Variants in FLG observed in about 807,000 individuals in gnomAD.
The protein encoded by FLG is filaggrin, also known as epidermal filaggrin.
A neutral mutation model predicts 3.8 loss-of-function variants in FLG; 6 were observed. The observed-to-expected ratio is 1.60, with a 90% confidence interval of 0.87 to 3.15. FLG has a LOEUF of 3.15. Among genes scored for constraint, FLG ranks in the 30% most tolerant of loss-of-function variants. The pLI is 0.00. For synonymous variants in FLG, 2,551 were observed against 1,931.6 expected (o/e 1.32, Z -8.41); for missense variants, 7,595 against 5,050.9 (o/e 1.50, Z -15.27).
At chr1:152,317,504 C>G (rs1652823815) in intron 1 of FLG, among the ~76,000 whole-genome samples, 2 of 152,090 alleles carry the variant, frequency 1.3e-5, no homozygotes, top group African/African-American at 4.8e-5. Flanking sequence ...TTTGATGCAA[C>G]TGGCTTCATC....
intron 1 of FLG, among the ~76,000 whole-genome samples, chr1:152,322,386 G>A (rs1653009989): frequency 6.6e-6 from 1 of 150,904 alleles, no homozygotes; most frequent in South Asian, 2.1e-4. Flanking sequence ...AGAATGTATA[G>A]CTAAACTATT....
rs746659024 is a variant in FLG at position 152,309,632 on chromosome 1, G to T, written c.5254C>A (p.Arg1752Ser). The change falls in exon 3 of 3, where the codon CGT becomes AGT. Residue 1752 changes from arginine (R) to serine (S), a missense_variant. Arg to Ser is a moderately radical substitution (Grantham distance 110, BLOSUM62 -1). Transcript: ENST00000368799. ...CCAGACCTTTCCCCTGACTGGCCAC[G>T]TGTGGACTCTTGGTGGCTCTGCTGA... is the stretch of plus-strand genomic sequence containing the variant. ...PHQQSHQEST[R>S]GQSGERSGRS... The T allele has an allele frequency of 2.0e-5, 33 of 1,613,992 alleles. No individual in the cohort carries two copies. The highest frequency in any genetic ancestry group is 3.3e-5 in the South Asian group (3 of 91,060).
intron 1 of FLG, among the ~76,000 whole-genome samples, chr1:152,324,871 G>A (rs1195673683): frequency 6.6e-6 from 1 of 151,638 alleles, no homozygotes; most frequent in African/African-American, 2.4e-5. Context: ...CCCTATTAAA[G>A]GTAAGCTGCT....
Position 152,311,258 on chromosome 1 carries a change from G to C in FLG, c.3628C>G (p.Gln1210Glu). 1 of 1,613,852 alleles carries C rather than the reference G, an allele frequency of 6.2e-7. No homozygotes were observed. The highest frequency in any genetic ancestry group is 1.7e-5 in the Admixed American group (1 of 59,996). ...SQGRSDASHGQSGSRSASRQT... is the reference protein window; with the variant it reads ...SQGRSDASHGESGSRSASRQT... ...CTGCTTGCACTTCTGGATCCTGACTGCCCATGGGAGGCATCAGACCTTCCC... is the reference window on the plus strand; with the variant it reads ...CTGCTTGCACTTCTGGATCCTGACTCCCCATGGGAGGCATCAGACCTTCCC... The change falls in exon 3 of 3, where the codon CAG becomes GAG. Residue 1210 changes from glutamine (Q) to glutamate (E), a missense_variant. Transcript: ENST00000368799.
chr1:152,311,595 C>T lies in FLG; in HGVS notation c.3291G>A (p.Gln1097=). The T allele has an allele frequency of 1.2e-6, 2 of 1,614,112 alleles. No individual in the cohort carries two copies. Among genetic ancestry groups the T allele is most frequent in the Non-Finnish European group, 1.7e-6 (2 of 1,180,034 alleles). Residue 1097 remains glutamine, a synonymous_variant, in exon 3 of 3, where the codon CAG becomes CAA. Transcript: ENST00000368799. The stretch of plus-strand genomic sequence containing the variant: ...AGTCACGTGCGGACTCTTGGTGGCT[C>T]TGCTGATGGGGCCCATCCTGTCCAT... ...SGHGQDGPHQ[Q]SHQESARDWS... is the part of the protein sequence containing the mutation.
Position 152,303,234 on chromosome 1 carries a change from G to A in FLG, c.11652C>T (p.Ser3884=). The A allele has an allele frequency of 6.2e-7, 1 of 1,614,054 alleles. No homozygotes were observed. Among genetic ancestry groups the A allele is most frequent in the Non-Finnish European group, 8.5e-7 (1 of 1,180,028 alleles). Residue 3884 remains serine (S), a synonymous_variant, in exon 3 of 3, where the codon TCC becomes TCT. Coordinates refer to ENST00000368799, the MANE Select transcript of FLG (RefSeq NM_002016.2). ...CCCGAGAAGATCCATGATGGTTTCTGGAAGCAGACTCAGATCGCCTCTCAG... is the reference window on the plus strand; with the variant it reads ...CCCGAGAAGATCCATGATGGTTTCTAGAAGCAGACTCAGATCGCCTCTCAG... The part of the protein sequence containing the change: ...EDSERRSESA[S]RNHHGSSREQ...
In FLG at chr1:152,308,468, C is replaced by A; in HGVS notation, c.6418G>T (p.Gly2140Ter). The change falls in exon 3 of 3, where the codon GGA (glycine) becomes TGA (stop). Residue 2140 changes from glycine (G) to a stop codon, truncating the protein, a stop_gained. Coordinates refer to ENST00000368799, the MANE Select transcript of FLG (RefSeq NM_002016.2). LOFTEE classifies it low-confidence loss of function (END_TRUNC). ...CCTCCTCTGCTTGGCCCCGGGTGTC[C>A]ACGAATGGTGTCCTGACCCTCTTGG... Reference protein sequence around the residue: ...ASQEGQDTIRGHPGPSRGGRQ... With the variant: ...ASQEGQDTIR 1 of 1,613,824 alleles carries A rather than the reference C, an allele frequency of 6.2e-7. No homozygotes were observed. The highest frequency in any genetic ancestry group is 8.5e-7 in the Non-Finnish European group (1 of 1,179,912).
rs762020650 is a variant in FLG at position 152,311,042 on chromosome 1, C to T, written c.3844G>A (p.Asp1282Asn). The change falls in exon 3 of 3, where the codon GAC becomes AAC. Residue 1282 changes from aspartate (D) to asparagine (N), a missense_variant. Coordinates refer to ENST00000368799, the MANE Select transcript of FLG (RefSeq NM_002016.2). ...QDSDSERHSD[D>N]SERLSGSASR... is the part of the protein sequence containing the mutation. ...GCAGACCCAGACAACCTCTCGGAGT[C>T]GTCTGAGTGTCTCTCACTGTCACTG... 29 of 1,613,728 alleles carry T rather than the reference C, an allele frequency of 1.8e-5. No individual in the cohort carries two copies. The Admixed American group carries it at 3.3e-4, about 19-fold the overall frequency.
chr1:152,307,548 T>C lies in FLG; in HGVS notation c.7338A>G (p.Ala2446=), dbSNP rs776786542. 4.0e-5 allele frequency: 65 copies of C among 1,613,722 alleles called. No homozygotes were observed. Among genetic ancestry groups the C allele is most frequent in the Non-Finnish European group, 5.4e-5 (64 of 1,179,968 alleles). ...ACGTTGAGTGCCTGGAGCTGTCTCGTGCCTGCTTGTGGTGGGATCCTTGTC... is the reference window on the plus strand; with the variant it reads ...ACGTTGAGTGCCTGGAGCTGTCTCGCGCCTGCTTGTGGTGGGATCCTTGTC... The part of the protein sequence containing the change: ...GGRQGSHHKQ[A]RDSSRHSTSQ... Residue 2446 remains alanine, a synonymous_variant, in exon 3 of 3, where the codon GCA becomes GCG. Transcript: ENST00000368799.
Position 152,304,919 on chromosome 1 carries a change from C to A in FLG, c.9967G>T (p.Ala3323Ser), listed in dbSNP as rs780529906. 6.2e-7 allele frequency: 1 copy of A among 1,613,686 alleles called. No individual in the cohort carries two copies. Among genetic ancestry groups the A allele is most frequent in the Non-Finnish European group, 8.5e-7 (1 of 1,179,978 alleles). ...SRHSGIPRGQASSAVRDSRHW... is the reference protein window; with the variant it reads ...SRHSGIPRGQSSSAVRDSRHW... ...CTACTGTCTCTGACTGCAGATGAAG[C>A]TTGTCCACGCGGAATGCCTGAGTGT... Residue 3323 changes from alanine to serine, a missense_variant, in exon 3 of 3, where the codon GCT becomes TCT. By Grantham distance (99) the Ala-to-Ser change is moderately conservative. Coordinates refer to ENST00000368799, the MANE Select transcript of FLG (RefSeq NM_002016.2).
chr1:152,317,701 C>G (rs1283970487), intron 1 of FLG, among the ~76,000 whole-genome samples: 1 of 152,040 alleles, frequency 6.6e-6, no homozygotes, highest in Non-Finnish European at 1.5e-5. Flanking sequence ...GTTGGCAACT[C>G]ACAAGTTTAT....
rs558734113 is a variant in FLG at position 152,304,917 on chromosome 1, A to G, written c.9969T>C (p.Ala3323=). Residue 3323 remains alanine, a synonymous_variant, in exon 3 of 3, where the codon GCT becomes GCC. Coordinates refer to ENST00000368799, the MANE Select transcript of FLG (RefSeq NM_002016.2). ...GTCTACTGTCTCTGACTGCAGATGA[A>G]GCTTGTCCACGCGGAATGCCTGAGT... The part of the protein sequence containing the change: ...SRHSGIPRGQ[A]SSAVRDSRHW... 1.4e-5 allele frequency: 22 copies of G among 1,613,254 alleles called. No homozygotes were observed. In the East Asian group the frequency reaches 4.9e-4, roughly 36 times the overall value.
chr1:152,313,816 C>A lies in FLG; in HGVS notation c.1070G>T (p.Gly357Val). 1 of 1,614,042 alleles carries A rather than the reference C, an allele frequency of 6.2e-7. No individual in the cohort carries two copies. Reference sequence around the variant, plus strand: ...AGAGGAAGTCTCTGCGTGACGAGTGCCTGATTGTCTGGAGCTGTCTGCAGA... The same window carrying A: ...AGAGGAAGTCTCTGCGTGACGAGTGACTGATTGTCTGGAGCTGTCTGCAGA... ...GHSADSSRQS[G>V]TRHAETSSRG... is the part of the protein sequence containing the mutation. The change falls in exon 3 of 3, where the codon GGC becomes GTC. Residue 357 changes from glycine (G) to valine (V), a missense_variant. By Grantham distance (109) the Gly-to-Val change is moderately radical. Transcript: ENST00000368799.
Position 152,314,271 on chromosome 1 carries a change from T to C in FLG, c.615A>G (p.Glu205=), listed in dbSNP as rs1173579331. Residue 205 remains glutamate, a synonymous_variant, in exon 3 of 3, where the codon GAA becomes GAG. Coordinates refer to ENST00000368799, the MANE Select transcript of FLG (RefSeq NM_002016.2). The part of the protein sequence containing the change: ...DNRKRLSERL[E]EKEDNEEGVY... The stretch of plus-strand genomic sequence containing the variant: ...CTCCTTCTTCATTGTCTTCTTTCTC[T>C]TCAAGTCTTTCACTTAGCCTCTTCC... 6.2e-7 allele frequency: 1 copy of C among 1,613,596 alleles called. No homozygotes were observed. The highest frequency in any genetic ancestry group is 8.5e-7 in the Non-Finnish European group (1 of 1,179,928).
chr1:152,311,249 A>G lies in FLG; in HGVS notation c.3637T>C (p.Ser1213Pro), dbSNP rs780142708. Reference protein sequence around the residue: ...RSDASHGQSGSRSASRQTRKD... With the variant: ...RSDASHGQSGPRSASRQTRKD... ...CGAGTTTGTCTGCTTGCACTTCTGGATCCTGACTGCCCATGGGAGGCATCA... is the reference window on the plus strand; with the variant it reads ...CGAGTTTGTCTGCTTGCACTTCTGGGTCCTGACTGCCCATGGGAGGCATCA... Residue 1213 changes from serine to proline, a missense_variant, in exon 3 of 3, where the codon TCC (serine) becomes CCC (proline). By Grantham distance (74) the Ser-to-Pro change is moderately conservative. Transcript: ENST00000368799. The G allele has an allele frequency of 8.1e-6, 13 of 1,612,994 alleles. No homozygotes were observed. In the Admixed American group the frequency reaches 1.7e-4, roughly 21 times the overall value.
Position 152,311,471 on chromosome 1 carries a change from C to A in FLG, c.3415G>T (p.Gly1139Ter), listed in dbSNP as rs369171510. The A allele has an allele frequency of 1.6e-5, 26 of 1,613,920 alleles. No individual in the cohort carries two copies. The highest frequency in any genetic ancestry group is 2.2e-5 in the Non-Finnish European group (26 of 1,179,966). Residue 1139 changes from glycine (G) to a stop codon, truncating the protein, a stop_gained, in exon 3 of 3, where the codon GGA (glycine) becomes TGA (stop). Transcript: ENST00000368799. LOFTEE classifies it low-confidence loss of function (END_TRUNC). ...TCGTGGTGGGATCCTTGTCTTCGTC[C>A]AGTGCTGGTCCTGGTCCGCCCATGG... is the stretch of plus-strand genomic sequence containing the variant. Reference protein sequence around the residue: ...SAHGRTRTSTGRRQGSHHEQA... With the variant: ...SAHGRTRTST
chr1:152,310,451 G>T lies in FLG; in HGVS notation c.4435C>A (p.His1479Asn). 6.2e-7 allele frequency: 1 copy of T among 1,613,528 alleles called. No homozygotes were observed. Among genetic ancestry groups the T allele is most frequent in the Non-Finnish European group, 8.5e-7 (1 of 1,179,764 alleles). ...RHEQARNSSR[H>N]SASQDGQDTI... ...TCCTGACCGTCTTGGGATGCTGAGT[G>T]CCTAGAGCTGTTTCGTGCCTGCTCA... The change falls in exon 3 of 3, where the codon CAC becomes AAC. Residue 1479 changes from histidine (H) to asparagine (N), a missense_variant. Physicochemically the swap from His to Asn is moderately conservative, Grantham distance 68. Transcript: ENST00000368799.
rs1016662551 is a variant in FLG at position 152,309,856 on chromosome 1, G to C, written c.5030C>G (p.Pro1677Arg). The change falls in exon 3 of 3, where the codon CCA becomes CGA. Residue 1677 changes from proline (P) to arginine (R), a missense_variant. Physicochemically the swap from Pro to Arg is moderately radical, Grantham distance 103. Coordinates refer to ENST00000368799, the MANE Select transcript of FLG (RefSeq NM_002016.2). ...GTGGCGGGATCCATGTCTTTCTCCTGGACTTGACCTTGCCTGTTCCTGGGA... is the reference window on the plus strand; with the variant it reads ...GTGGCGGGATCCATGTCTTTCTCCTCGACTTGACCTTGCCTGTTCCTGGGA... ...ASSQEQARSS[P>R]GERHGSRHQQ... is the part of the protein sequence containing the mutation. 1 of 1,614,064 alleles carries C rather than the reference G, an allele frequency of 6.2e-7. No individual in the cohort carries two copies. The highest frequency in any genetic ancestry group is 1.1e-5 in the South Asian group (1 of 91,072).
At chr1:152,315,232 G>T (rs1182522691) in intron 2 of FLG, 87 bp downstream of exon 2, 16 of 1,277,158 alleles carry the variant, frequency 1.3e-5, no homozygotes, top group Non-Finnish European at 1.6e-5. Context: ...AAGAGAAATA[G>T]TTCACAAAGA....
Sources: allele counts gnomAD v4.1 joint callset (sites outside exome capture counted in the v4.1 genomes callset), GRCh38; gene constraint gnomAD v4.1.1; transcripts MANE v1.5; gene names NCBI Gene and HGNC (gene_info 2026-07-23, HGNC 2026-07-21).